The following PRELID2 variants were observed in gnomAD, a reference collection of about 807,000 sequenced individuals.
The protein encoded by PRELID2 is PRELI domain containing 2, also known as PRELI domain-containing protein 2.
In PRELID2, 25 loss-of-function variants were observed where a neutral mutation model predicts 28.4. The observed-to-expected ratio is 0.88, with a 90% CI of 0.64 to 1.23. The LOEUF is 1.23. PRELID2 is among the 50% of genes most tolerant of loss of function. The pLI, the probability that PRELID2 is intolerant of heterozygous loss-of-function variation, is 0.00. For missense variants in PRELID2, 201 were observed against 214.4 expected, an observed-to-expected ratio of 0.94 and a Z score of 0.39; for synonymous variants, 76 against 71.6, an observed-to-expected ratio of 1.06 and a Z score of -0.31.
chr5:145,305,180 AT>A, the PRELID2 span, among the ~76,000 whole-genome samples: 14 of 152,144 alleles, frequency 9.2e-5, no homozygotes, highest in Admixed American at 9.2e-4. Context: ...GTAGGAGCAA[AT>A]TTTTGAAAGC....
At chr5:145,566,671 C>T (rs1301386229) in intron 1 of PRELID2, among the ~76,000 whole-genome samples, 2 of 151,994 alleles carry the variant, frequency 1.3e-5, no homozygotes, top group Admixed American at 1.3e-4. Flanking sequence ...GAAATTCTGT[C>T]TCTACTAAAA....
the PRELID2 span, among the ~76,000 whole-genome samples, chr5:145,274,257 C>CT: frequency 6.6e-6 from 1 of 152,126 alleles, no homozygotes; most frequent in African/African-American, 2.4e-5. Flanking sequence ...ATGATCCCTT[C>CT]TTTTTCATAG....
At chr5:145,611,028 T>C (rs1753606192) in intron 1 of PRELID2, among the ~76,000 whole-genome samples, 1 of 149,034 alleles carries the variant, frequency 6.7e-6, no homozygotes, top group Non-Finnish European at 1.5e-5. Context: ...AAATATGTAA[T>C]ATGAAATATA....
intron 1 of PRELID2, among the ~76,000 whole-genome samples, chr5:145,542,001 T>G (rs1157218069): frequency 6.6e-6 from 1 of 152,072 alleles, no homozygotes; most frequent in Non-Finnish European, 1.5e-5. Flanking sequence ...AGAATATATT[T>G]TGGGGTTTGG....
At chr5:145,571,323 G>C (rs937706004) in intron 1 of PRELID2, among the ~76,000 whole-genome samples, 1 of 152,120 alleles carries the variant, frequency 6.6e-6, no homozygotes, top group Admixed American at 6.5e-5. Flanking sequence ...GTTCAGGCTA[G>C]GACAGGAAGT....
chr5:145,301,623 G>A, the PRELID2 span, among the ~76,000 whole-genome samples: 3 of 152,058 alleles, frequency 2.0e-5, no homozygotes, highest in African/African-American at 7.2e-5. Flanking sequence ...CATTCTAGAA[G>A]CTTTGTATTC....
At chr5:145,442,882 C>A in the PRELID2 span, among the ~76,000 whole-genome samples, 2 of 152,144 alleles carry the variant, frequency 1.3e-5, no homozygotes, top group East Asian at 1.9e-4. Context: ...TGAAGCTAGA[C>A]AACCGGTTAG....
At chr5:145,763,992 C>T (rs188699909) in intron 6 of PRELID2, among the ~76,000 whole-genome samples, 3 of 152,178 alleles carry the variant, frequency 2.0e-5, no homozygotes, top group South Asian at 2.1e-4. Context: ...AGGAGAATGG[C>T]TTGAACCCGG....
chr5:145,236,501 T>C, the PRELID2 span, among the ~76,000 whole-genome samples: 1 of 152,122 alleles, frequency 6.6e-6, no homozygotes, highest in Non-Finnish European at 1.5e-5. Context: ...TGGCCTCCCA[T>C]AAACAAGGAC....
At position 145,653,648 on chromosome 5, in the gene PRELID2, C is replaced by T. The variant is rs144835633; in HGVS notation, n.70+111283G>A. Among the ~76,000 whole-genome samples, 885 of 152,170 alleles carry T rather than the reference C, an allele frequency of 5.8e-3. 12 individuals are homozygous for T. The highest frequency in any genetic ancestry group is 0.02 in the African/African-American group (817 of 41,514). On this transcript the variant is annotated intron_variant and non_coding_transcript_variant, in intron 1 of 2. Coordinates refer to the PRELID2 transcript ENST00000510259. ...ACTGAACAATCTGCTCCTGAATGAC[C>T]ACTGGGTACATAACGAAATGAAGGC... is the stretch of plus-strand genomic sequence containing the variant.
At chr5:145,629,838 T>C (rs1316679788) in intron 1 of PRELID2, among the ~76,000 whole-genome samples, 1 of 152,150 alleles carries the variant, frequency 6.6e-6, no homozygotes, top group African/African-American at 2.4e-5. Flanking sequence ...GCAATAAATA[T>C]ACCCTTTGAA....
intron 1 of PRELID2, among the ~76,000 whole-genome samples, chr5:145,535,615 G>A (rs2126666089): frequency 6.6e-6 from 1 of 151,908 alleles, no homozygotes; most frequent in African/African-American, 2.4e-5. Flanking sequence ...TCTAGGGCAT[G>A]AGAAGAAGTG....
chr5:145,241,062 G>C, the PRELID2 span, among the ~76,000 whole-genome samples: 9 of 152,076 alleles, frequency 5.9e-5, no homozygotes, highest in African/African-American at 2.2e-4. Context: ...TCTTAGGGTT[G>C]TTCTCAGAAT....
chr5:145,419,693 T>C, the PRELID2 span, among the ~76,000 whole-genome samples: 7 of 152,206 alleles, frequency 4.6e-5, no homozygotes, highest in Admixed American at 3.9e-4. Context: ...CTGTTCACTC[T>C]GATGGTAGTT....
chr5:145,415,593 C>G, the PRELID2 span, among the ~76,000 whole-genome samples: 1 of 150,610 alleles, frequency 6.6e-6, no homozygotes, highest in Non-Finnish European at 1.5e-5. Context: ...ATCCATGTCC[C>G]TACAAAGGAC....
chr5:145,417,026 A>T, the PRELID2 span, among the ~76,000 whole-genome samples: 1 of 152,046 alleles, frequency 6.6e-6, no homozygotes, highest in Non-Finnish European at 1.5e-5. Flanking sequence ...ACACATAAAG[A>T]AGAAGAGAAG....
At chr5:145,343,534 T>A in the PRELID2 span, among the ~76,000 whole-genome samples, 6 of 151,638 alleles carry the variant, frequency 4.0e-5, 1 homozygote, top group East Asian at 1.2e-3. Context: ...TGAGGGAAAT[T>A]TATAGCAAAA....
chr5:145,451,250 C>T, the PRELID2 span, among the ~76,000 whole-genome samples: 1 of 152,156 alleles, frequency 6.6e-6, no homozygotes, highest in Admixed American at 6.5e-5. Flanking sequence ...GCCACAAGCA[C>T]TCCACAGTCA....
At chr5:145,490,293 T>C (rs191768035) in intron 1 of PRELID2, among the ~76,000 whole-genome samples, 29 of 152,336 alleles carry the variant, frequency 1.9e-4, no homozygotes, top group East Asian at 1.7e-3. Flanking sequence ...TATTTAAAAA[T>C]GCTTTGTCCA....
Sources: gnomAD v4.1 joint callset for allele counts (sites outside exome capture counted in the v4.1 genomes callset) on GRCh38, gnomAD v4.1.1 for gene constraint, MANE v1.5 for transcripts, NCBI Gene and HGNC (gene_info 2026-07-23, HGNC 2026-07-21) for gene names.